The following RCL1 variants were observed in gnomAD, a reference collection of about 807,000 sequenced individuals.
RCL1 encodes the protein RNA terminal phosphate cyclase like 1.
In RCL1, 24 loss-of-function variants were observed where a neutral mutation model predicts 42.4. That is an observed-to-expected ratio of 0.57 (90% CI 0.41 to 0.80). The LOEUF is 0.80. Ranked by LOEUF, RCL1 falls within the 30% of genes least tolerant of loss-of-function variation. The pLI, the probability that RCL1 is intolerant of heterozygous loss-of-function variation, is 0.00. For synonymous variants in RCL1, 228 were observed against 177.3 expected (o/e 1.29, Z -2.27); for missense variants, 578 against 467.9 (o/e 1.24, Z -2.17).
chr9:4,842,384 A>T (rs1339694209), intron 6 of RCL1, among the ~76,000 whole-genome samples: 1 of 152,166 alleles, frequency 6.6e-6, no homozygotes, highest in Non-Finnish European at 1.5e-5. Context: ...ACAACCTTTG[A>T]CCTTTATAAG....
At chr9:4,859,456 A>AT (rs1317078820) in intron 8 of RCL1, among the ~76,000 whole-genome samples, 1 of 151,720 alleles carries the variant, frequency 6.6e-6, no homozygotes, top group Non-Finnish European at 1.5e-5. Flanking sequence ...TTTTATTTTT[A>AT]TTTTTTTTCA....
chr9:4,796,509 C>T (rs1001048550), intron 1 of RCL1, among the ~76,000 whole-genome samples: 1 of 152,160 alleles, frequency 6.6e-6, no homozygotes, highest in South Asian at 2.1e-4. Context: ...GATCCTCTCA[C>T]GTTAGCTTCC....
rs939872089 is a variant in RCL1 at position 4,860,906 on chromosome 9, G to A, written c.*631G>A. On this transcript the variant is annotated 3_prime_UTR_variant, in exon 9 of 9. Transcript: ENST00000381750. ...TGGATGGCTGCGGGGCTCCAAGTAA[G>A]TTATTGGGATGTTTTTATATTCCAG... 1 of 100,862 alleles carries A rather than the reference G, an allele frequency of 9.9e-6. No individual in the cohort carries two copies. Among genetic ancestry groups the A allele is most frequent in the Non-Finnish European group, 2.1e-5 (1 of 48,110 alleles). The allele number at this position is 100,862 out of a possible 1,614,324, so 6.2% of individuals were successfully genotyped here.
intron 5 of RCL1, among the ~76,000 whole-genome samples, chr9:4,837,440 G>C (rs1042524644): frequency 5.9e-5 from 9 of 152,114 alleles, no homozygotes; most frequent in African/African-American, 2.2e-4. Flanking sequence ...GTTTGTCTGG[G>C]GGGTAGTTGT....
chr9:4,835,992 G>A (rs1471560081), intron 5 of RCL1, among the ~76,000 whole-genome samples: 2 of 152,184 alleles, frequency 1.3e-5, no homozygotes, highest in African/African-American at 4.8e-5. Context: ...GGGTTGGGAT[G>A]AGTTTTCAGT....
At chr9:4,806,017 G>GGGGTGT (rs1554636232) in intron 1 of RCL1, among the ~76,000 whole-genome samples, 1 of 142,738 alleles carries the variant, frequency 7.0e-6, no homozygotes, top group South Asian at 2.2e-4. Context: ...ATACCATTGG[G>GGGGTGT]GTGTGTGTGT....
rs73639231 is a variant in RCL1, at chr9:4,839,926, G to T, written c.585-1306G>T. On this transcript the variant is annotated intron_variant, in intron 5 of 8. Coordinates refer to ENST00000381750, the MANE Select transcript of RCL1 (RefSeq NM_005772.5). ...GTTTCAGGAGAGAGATTGGGACCTC[G>T]GGCTGGGAGAATGGGGCAAAGCAGC... 5.5e-3 allele frequency: 5,436 copies of T among 985,390 alleles called. 192 individuals carry two copies. The African/African-American group carries it at 0.079, about 14-fold the overall frequency. The allele number at this position is 985,390 out of a possible 1,614,324, so 61.0% of individuals were successfully genotyped here.
intron 8 of RCL1, chr9:4,850,416 A>C (rs374762062): frequency 1.0e-4 from 51 of 489,380 alleles, no homozygotes; most frequent in Non-Finnish European, 2.0e-4. Flanking sequence ...CGGTGGGGCT[A>C]TGCACCCTTG....
At chr9:4,859,218 G>A (rs898545654) in intron 8 of RCL1, among the ~76,000 whole-genome samples, 4 of 152,142 alleles carry the variant, frequency 2.6e-5, no homozygotes, top group African/African-American at 7.2e-5. Context: ...TGATGCCATC[G>A]CCCTGTGATG....
chr9:4,817,765 G>A (rs1470039167), intron 1 of RCL1, among the ~76,000 whole-genome samples: 1 of 152,056 alleles, frequency 6.6e-6, no homozygotes, highest in Non-Finnish European at 1.5e-5. Flanking sequence ...CCAAAGTGCT[G>A]GGATTACAGG....
intron 5 of RCL1, among the ~76,000 whole-genome samples, chr9:4,840,563 G>A (rs1432463750): frequency 6.6e-6 from 1 of 152,176 alleles, no homozygotes; most frequent in African/African-American, 2.4e-5. Context: ...TTGTAGGAGT[G>A]CTAATTATCA....
At chr9:4,859,898 C>CA (rs898457618) in intron 8 of RCL1, among the ~76,000 whole-genome samples, 1 of 152,156 alleles carries the variant, frequency 6.6e-6, no homozygotes, top group African/African-American at 2.4e-5. Flanking sequence ...TTTCCCCCCC[C>CA]AGTTTAATTT....
intron 8 of RCL1, among the ~76,000 whole-genome samples, chr9:4,855,052 CAAAA>C (rs774233424): frequency 1.2e-4 from 7 of 59,842 alleles, no homozygotes; most frequent in African/African-American, 5.6e-4. Flanking sequence ...GACTCCGTCT[CAAAA>C]AAAAAAAAAA....
chr9:4,859,056 C>G (rs1818065712), intron 8 of RCL1, among the ~76,000 whole-genome samples: 1 of 152,182 alleles, frequency 6.6e-6, no homozygotes, highest in Admixed American at 6.5e-5. Flanking sequence ...CCATAACCTT[C>G]AGGAACCTGT....
At chr9:4,810,950 A>T (rs1816151907) in intron 1 of RCL1, among the ~76,000 whole-genome samples, 1 of 152,234 alleles carries the variant, frequency 6.6e-6, no homozygotes, top group South Asian at 2.1e-4. Flanking sequence ...TTTATTGGGC[A>T]CAGTGTGATA....
At chr9:4,847,731 G>A (rs1396745424) in intron 7 of RCL1, among the ~76,000 whole-genome samples, 1 of 152,190 alleles carries the variant, frequency 6.6e-6, no homozygotes, top group African/African-American at 2.4e-5. Flanking sequence ...GACCCATTTC[G>A]GAAAGGCTTG....
chr9:4,793,034 C>A lies in RCL1; in HGVS notation c.-58C>A. On this transcript the variant is annotated 5_prime_UTR_variant, in exon 1 of 9. Transcript: ENST00000381750. The stretch of plus-strand genomic sequence containing the variant: ...CCACCACCATCGGAGTCACGAGTCC[C>A]GCGTCTGTCCGAAGTCGCCGCTCTC... The A allele has an allele frequency of 1.3e-6, 2 of 1,554,418 alleles. No individual in the cohort carries two copies. The highest frequency in any genetic ancestry group is 2.4e-5 in the East Asian group (1 of 41,336).
intron 1 of RCL1, among the ~76,000 whole-genome samples, chr9:4,800,684 G>A (rs1842985998): frequency 7.3e-6 from 1 of 137,014 alleles, no homozygotes; most frequent in Non-Finnish European, 1.5e-5. Flanking sequence ...ATGGAATCTC[G>A]CTCTGACTTC....
intron 5 of RCL1, among the ~76,000 whole-genome samples, chr9:4,840,388 T>C (rs540635707): frequency 2.8e-4 from 42 of 152,290 alleles, no homozygotes; most frequent in African/African-American, 8.7e-4. Flanking sequence ...ACATTGCACA[T>C]TGAAGTGCTC....
Sources: gnomAD v4.1 joint callset for allele counts (sites outside exome capture counted in the v4.1 genomes callset) on GRCh38, gnomAD v4.1.1 for gene constraint, MANE v1.5 for transcripts, NCBI Gene and HGNC (gene_info 2026-07-23, HGNC 2026-07-21) for gene names.